The following ANAPC10 variants were observed in gnomAD, a reference collection of about 807,000 sequenced individuals.
ANAPC10 encodes anaphase promoting complex subunit 10, also known as anaphase-promoting complex subunit 10.
A neutral mutation model predicts 22.0 loss-of-function variants in ANAPC10; 12 were observed. The observed-to-expected ratio is 0.55, with a 90% CI of 0.35 to 0.88. The LOEUF is 0.88. Ranked by LOEUF, ANAPC10 falls within the 40% of genes least tolerant of loss-of-function variation. The pLI is 0.01. For missense variants in ANAPC10, 188 were observed against 220.9 expected (o/e 0.85, Z 0.94); for synonymous variants, 65 against 69.5 (o/e 0.94, Z 0.32).
intron 3 of ANAPC10, among the ~76,000 whole-genome samples, chr4:145,065,365 AAC>A (rs1394600165): frequency 1.9e-4 from 29 of 152,186 alleles, no homozygotes; most frequent in Non-Finnish European, 2.5e-4. Flanking sequence ...GAGAAATTAA[AAC>A]ACACAGAGAT....
chr4:145,068,314 C>T (rs1744003483), intron 3 of ANAPC10, among the ~76,000 whole-genome samples: 1 of 152,134 alleles, frequency 6.6e-6, no homozygotes, highest in South Asian at 2.1e-4. Flanking sequence ...GTTTACACAT[C>T]TAGTAAAGCA....
intron 3 of ANAPC10, among the ~76,000 whole-genome samples, chr4:145,078,683 A>G (rs1330730596): frequency 6.6e-6 from 1 of 152,216 alleles, no homozygotes; most frequent in Non-Finnish European, 1.5e-5. Flanking sequence ...ACAGACACAG[A>G]GACCAATGGA....
At chr4:145,086,861 G>T (rs1746976618) in intron 2 of ANAPC10, among the ~76,000 whole-genome samples, 1 of 151,294 alleles carries the variant, frequency 6.6e-6, no homozygotes, top group South Asian at 2.1e-4. Flanking sequence ...GAGAGCAACT[G>T]CCCTAAAGAA....
At chr4:145,062,961 A>G (rs1374649747) in intron 4 of ANAPC10, among the ~76,000 whole-genome samples, 1 of 152,210 alleles carries the variant, frequency 6.6e-6, no homozygotes, top group Non-Finnish European at 1.5e-5. Context: ...GGAATATTAA[A>G]AAGTTGAACT....
chr4:145,050,861 A>G (rs1362909658), intron 4 of ANAPC10, among the ~76,000 whole-genome samples: 3 of 152,192 alleles, frequency 2.0e-5, no homozygotes, highest in South Asian at 4.1e-4. Context: ...AGCTGGTTTA[A>G]TCTTCCATCT....
At chr4:145,045,099 A>G (rs562032986) in intron 4 of ANAPC10, among the ~76,000 whole-genome samples, 2 of 152,246 alleles carry the variant, frequency 1.3e-5, no homozygotes, top group South Asian at 2.1e-4. Flanking sequence ...AAGCTAATGT[A>G]AAAATAAATT....
chr4:145,049,429 A>C (rs1272054167), intron 4 of ANAPC10, among the ~76,000 whole-genome samples: 1 of 152,244 alleles, frequency 6.6e-6, no homozygotes, highest in South Asian at 2.1e-4. Context: ...AGATGATGCA[A>C]TATTCTAAAT....
At chr4:145,007,809 C>G (rs538597592) in intron 4 of ANAPC10, among the ~76,000 whole-genome samples, 34 of 145,848 alleles carry the variant, frequency 2.3e-4, no homozygotes, top group African/African-American at 8.6e-4. Flanking sequence ...TAGCAGAAGG[C>G]AAGAAATAAC....
At chr4:145,097,367 A>G in intron 1 of ANAPC10, 1 of 665,844 alleles carries the variant, frequency 1.5e-6, no homozygotes. Context: ...TACTAAGTCT[A>G]TTCATATGTG....
At chr4:145,094,355 A>G (rs755607254) in intron 2 of ANAPC10, among the ~76,000 whole-genome samples, 1 of 152,202 alleles carries the variant, frequency 6.6e-6, no homozygotes, top group African/African-American at 2.4e-5. Flanking sequence ...ATAAAGAGAC[A>G]TGAGGGAACT....
chr4:145,020,583 C>T (rs1294868581), intron 4 of ANAPC10, among the ~76,000 whole-genome samples: 1 of 152,024 alleles, frequency 6.6e-6, no homozygotes, highest in African/African-American at 2.4e-5. Flanking sequence ...CTATCCAGAG[C>T]AATCAAACAA....
At chr4:145,032,059 A>G (rs1578971979) in intron 4 of ANAPC10, among the ~76,000 whole-genome samples, 1 of 152,118 alleles carries the variant, frequency 6.6e-6, no homozygotes, top group South Asian at 2.1e-4. Context: ...CACTCCTGCC[A>G]CCCTGACATC....
At chr4:145,041,467 A>G (rs1027618944) in intron 4 of ANAPC10, among the ~76,000 whole-genome samples, 20 of 152,240 alleles carry the variant, frequency 1.3e-4, no homozygotes, top group African/African-American at 4.8e-4. Flanking sequence ...GTACCAACGA[A>G]CAGCCCAGTG....
At chr4:145,037,733 G>A (rs1481822316) in intron 4 of ANAPC10, among the ~76,000 whole-genome samples, 1 of 152,084 alleles carries the variant, frequency 6.6e-6, no homozygotes, top group Non-Finnish European at 1.5e-5. Context: ...GATCCCTGGA[G>A]CCCAGGAGTT....
chr4:145,042,918 A>G (rs934502166), intron 4 of ANAPC10, among the ~76,000 whole-genome samples: 1 of 146,024 alleles, frequency 6.8e-6, no homozygotes, highest in Non-Finnish European at 1.5e-5. Context: ...AAAATTGTCT[A>G]AAAAAAAAAC....
chr4:145,048,611 C>T (rs1455277795), intron 4 of ANAPC10, among the ~76,000 whole-genome samples: 1 of 152,020 alleles, frequency 6.6e-6, no homozygotes, highest in Non-Finnish European at 1.5e-5. Context: ...ATATTTCTCC[C>T]CCAACCACCT....
At chr4:145,012,023 C>G (rs2126927865) in intron 4 of ANAPC10, among the ~76,000 whole-genome samples, 2 of 152,158 alleles carry the variant, frequency 1.3e-5, no homozygotes, top group Middle Eastern at 6.8e-3. Context: ...GCAGCTTCCA[C>G]TCAGGGACTG....
intron 3 of ANAPC10, among the ~76,000 whole-genome samples, chr4:145,067,450 G>C (rs570504901): frequency 6.6e-6 from 1 of 152,008 alleles, no homozygotes; most frequent in Non-Finnish European, 1.5e-5. Flanking sequence ...CTCACTACAC[G>C]CTTTCTCCTG....
chr4:145,021,993 C>T (rs1249567310), intron 4 of ANAPC10, among the ~76,000 whole-genome samples: 2 of 151,996 alleles, frequency 1.3e-5, no homozygotes, highest in Non-Finnish European at 2.9e-5. Context: ...GCAGGAATGG[C>T]CATAATCAAA....
Sources: allele counts gnomAD v4.1 joint callset (sites outside exome capture counted in the v4.1 genomes callset), GRCh38; gene constraint gnomAD v4.1.1; transcripts MANE v1.5; gene names NCBI Gene and HGNC (gene_info 2026-07-23, HGNC 2026-07-21).